Variants in GNG7 observed in about 807,000 individuals in gnomAD.
GNG7 encodes the protein guanine nucleotide-binding protein G(I)/G(S)/G(O) subunit gamma-7.
In GNG7, 1 loss-of-function variant was observed where a neutral mutation model predicts 4.0. The ratio of observed to expected loss-of-function variants is 0.25; its 90% CI spans 0.09 to 1.18. The LOEUF (loss-of-function observed/expected upper bound fraction) is 1.18, where lower values mean the gene tolerates loss of function less well. Among genes scored for constraint, GNG7 ranks in the 50% most tolerant of loss-of-function variants. GNG7 has a pLI of 0.50. For missense variants in GNG7, 86 were observed against 91.9 expected (o/e 0.94, Z 0.26); for synonymous variants, 34 against 36.9 (o/e 0.92, Z 0.29).
chr19:2,619,867 G>A (rs1203965287), intron 2 of GNG7, among the ~76,000 whole-genome samples: 1 of 151,948 alleles, frequency 6.6e-6, no homozygotes, highest in Non-Finnish European at 1.5e-5. Context: ...CTCTGTGAAT[G>A]TAAAAACCGC....
In GNG7 at chr19:2,666,756, C is replaced by G. The variant is rs532132410; in HGVS notation, c.-134-20476G>C. Reference sequence around the variant, plus strand: ...GTTGTATTTTGAAAGCAGCCATAGACTATGCATAAATAAATGGGCATGGCC... The same window carrying G: ...GTTGTATTTTGAAAGCAGCCATAGAGTATGCATAAATAAATGGGCATGGCC... On this transcript the variant is annotated intron_variant, in intron 1 of 4. Coordinates refer to ENST00000382159, the MANE Select transcript of GNG7 (RefSeq NM_052847.3). 3.9e-5 allele frequency among the ~76,000 whole-genome samples: 6 copies of G among 152,336 alleles called. No individual in the cohort carries two copies. In the East Asian group the frequency reaches 7.7e-4, roughly 20 times the overall value.
intron 4 of GNG7, 53 bp downstream of exon 4, chr19:2,520,555 G>T: frequency 1.0e-6 from 1 of 973,656 alleles, no homozygotes; most frequent in Non-Finnish European, 1.6e-6. Flanking sequence ...TTCATCATTT[G>T]CGGGGCCCCC....
At chr19:2,659,180 A>G (rs983825268) in intron 1 of GNG7, among the ~76,000 whole-genome samples, 17 of 151,974 alleles carry the variant, frequency 1.1e-4, no homozygotes, top group Admixed American at 6.5e-4. Flanking sequence ...CGGGTTAGCC[A>G]GGATGGTCTC....
chr19:2,600,695 C>G (rs1273598735), intron 2 of GNG7, among the ~76,000 whole-genome samples: 1 of 151,694 alleles, frequency 6.6e-6, no homozygotes, highest in East Asian at 1.9e-4. Context: ...AGGCTGGTCT[C>G]GAACTCCTGA....
At chr19:2,607,520 A>G (rs1981423694) in intron 2 of GNG7, among the ~76,000 whole-genome samples, 1 of 148,694 alleles carries the variant, frequency 6.7e-6, no homozygotes, top group South Asian at 2.1e-4. Flanking sequence ...CAAGAGTGAA[A>G]CTCCATCTCA....
At chr19:2,576,050 T>C (rs1176544039) in intron 2 of GNG7, among the ~76,000 whole-genome samples, 1 of 83,850 alleles carries the variant, frequency 1.2e-5, no homozygotes, top group Non-Finnish European at 2.2e-5. Flanking sequence ...CACAGACACA[T>C]GCTCACACTC....
At chr19:2,636,818 A>C (rs1485694279) in intron 2 of GNG7, among the ~76,000 whole-genome samples, 1 of 152,012 alleles carries the variant, frequency 6.6e-6, no homozygotes, top group Non-Finnish European at 1.5e-5. Flanking sequence ...ACAGAGCTTA[A>C]AGAGGGGCTC....
chr19:2,664,924 C>A (rs1304043241), intron 1 of GNG7, among the ~76,000 whole-genome samples: 6 of 152,066 alleles, frequency 3.9e-5, no homozygotes, highest in Non-Finnish European at 8.8e-5. Flanking sequence ...CACCCAGTGT[C>A]CCCTGGGGCA....
chr19:2,598,624 T>A (rs1981102666), intron 2 of GNG7, among the ~76,000 whole-genome samples: 1 of 151,124 alleles, frequency 6.6e-6, no homozygotes, highest in East Asian at 1.9e-4. Context: ...GCCACTGCAC[T>A]CCAGCCTGAG....
At chr19:2,591,460 T>G (rs898630278) in intron 2 of GNG7, among the ~76,000 whole-genome samples, 2 of 112,606 alleles carry the variant, frequency 1.8e-5, no homozygotes, top group African/African-American at 5.7e-5. Flanking sequence ...AGGGTTTTTT[T>G]TTTTTTTTTT....
intron 1 of GNG7, among the ~76,000 whole-genome samples, chr19:2,697,025 G>A (rs576653463): frequency 6.6e-6 from 1 of 152,092 alleles, no homozygotes; most frequent in African/African-American, 2.4e-5. Flanking sequence ...ATTTTTACTA[G>A]CGACAGGGTT....
intron 2 of GNG7, among the ~76,000 whole-genome samples, chr19:2,586,163 G>A (rs1296718026): frequency 1.3e-5 from 2 of 152,194 alleles, no homozygotes; most frequent in Non-Finnish European, 2.9e-5. Flanking sequence ...TGTGGAACCG[G>A]GGCTGGCTCA....
At chr19:2,631,947 A>T (rs976724476) in intron 2 of GNG7, 3 of 152,304 alleles carry the variant, frequency 2.0e-5, no homozygotes, top group Non-Finnish European at 4.4e-5. Flanking sequence ...ACGTTGAACC[A>T]GCCAAGGCAG....
chr19:2,621,479 C>T (rs1397462840), intron 2 of GNG7, among the ~76,000 whole-genome samples: 1 of 152,004 alleles, frequency 6.6e-6, no homozygotes, highest in African/African-American at 2.4e-5. Flanking sequence ...GGGCAGATCA[C>T]CTGAGATAAG....
chr19:2,589,685 A>T (rs954878162), intron 2 of GNG7, among the ~76,000 whole-genome samples: 5 of 152,080 alleles, frequency 3.3e-5, no homozygotes, highest in African/African-American at 1.2e-4. Context: ...CCCTGCGCGT[A>T]GGGGGTTGTA....
intron 2 of GNG7, among the ~76,000 whole-genome samples, chr19:2,606,664 AT>A (rs67410405): frequency 0.5 from 72,074 of 143,058 alleles, 17,790 homozygotes; most frequent in Middle Eastern, 0.64. Flanking sequence ...TCAAAAAAAA[AT>A]AATTAATTAA....
chr19:2,662,778 C>T (rs1424869034), intron 1 of GNG7, among the ~76,000 whole-genome samples: 1 of 152,120 alleles, frequency 6.6e-6, no homozygotes, highest in Admixed American at 6.6e-5. Context: ...CTGGTCATCA[C>T]CTCAACCTTC....
At position 2,601,634 on chromosome 19, in the gene GNG7, C is replaced by G. The variant is rs151298261; in HGVS notation, c.-78+44590G>C. ...TGAGGAAAAGAAAGGCAGTGAAGGC[C>G]GGGCATGGTGGCTCACGTCTGTAAT... On this transcript the variant is annotated intron_variant, in intron 2 of 4. Transcript: ENST00000382159. Among the ~76,000 whole-genome samples the G allele has an allele frequency of 5.2e-3, 793 of 152,162 alleles. 7 individuals carry two copies. The highest frequency in any genetic ancestry group is 0.018 in the African/African-American group (733 of 41,512).
intron 1 of GNG7, chr19:2,701,295 A>C (rs1599468601): frequency 6.6e-6 from 1 of 150,904 alleles, no homozygotes; most frequent in South Asian, 2.1e-4. Flanking sequence ...TACCTGAGAC[A>C]CCTCCCCACA....
Sources: gnomAD v4.1 joint callset for allele counts (sites outside exome capture counted in the v4.1 genomes callset) on GRCh38, gnomAD v4.1.1 for gene constraint, MANE v1.5 for transcripts, NCBI Gene and HGNC (gene_info 2026-07-23, HGNC 2026-07-21) for gene names.